The following GAB2 variants were observed in gnomAD, a reference collection of about 807,000 sequenced individuals.
GAB2 encodes the protein GRB2-associated-binding protein 2.
Under a neutral mutation model 65.5 loss-of-function variants are expected in GAB2, and 26 were observed. The observed-to-expected ratio is 0.40, with a 90% CI of 0.29 to 0.55. GAB2 has a LOEUF of 0.55. GAB2 is among the 20% of genes least tolerant of loss of function. The pLI is 0.53. For missense variants in GAB2, 884 were observed against 875.8 expected (o/e 1.01, Z -0.12); for synonymous variants, 321 against 329.6 (o/e 0.97, Z 0.28).
intron 1 of GAB2, among the ~76,000 whole-genome samples, chr11:78,350,189 G>A (rs1856254805): frequency 6.6e-6 from 1 of 152,194 alleles, no homozygotes; most frequent in Admixed American, 6.5e-5. Flanking sequence ...CTGGCCAACA[G>A]ATCAAGGAGA....
In GAB2 at chr11:78,252,732, G is replaced by A. The variant is rs140659470; in HGVS notation, c.377-2332C>T. ...TCATCTCTAGCTCAGTTCTCTCTCC[G>A]GGACTCCCTGCTATATATCCCTTCA... On this transcript the variant is annotated intron_variant, in intron 2 of 9. Transcript: ENST00000361507. Among the ~76,000 whole-genome samples the A allele has an allele frequency of 3.5e-3, 536 of 152,060 alleles. 9 individuals are homozygous for A. The highest frequency in any genetic ancestry group is 0.02 in the Middle Eastern group (6 of 294).
chr11:78,251,891 G>C (rs1473082407), intron 2 of GAB2, among the ~76,000 whole-genome samples: 1 of 152,166 alleles, frequency 6.6e-6, no homozygotes, highest in Non-Finnish European at 1.5e-5. Flanking sequence ...ATAAAGGCAA[G>C]GTACATAGCA....
intron 1 of GAB2, among the ~76,000 whole-genome samples, chr11:78,383,886 G>T (rs1182036177): frequency 6.6e-6 from 1 of 152,156 alleles, no homozygotes; most frequent in Non-Finnish European, 1.5e-5. Context: ...CCAAAATCTT[G>T]GAACTTTACT....
At chr11:78,295,528 T>C (rs747951876) in intron 1 of GAB2, among the ~76,000 whole-genome samples, 4 of 152,202 alleles carry the variant, frequency 2.6e-5, no homozygotes, top group Non-Finnish European at 5.9e-5. Context: ...AATCCAGTAA[T>C]GCCAGGTCCT....
chr11:78,363,386 G>A (rs1044345519), intron 1 of GAB2, among the ~76,000 whole-genome samples: 2 of 152,040 alleles, frequency 1.3e-5, no homozygotes, highest in East Asian at 1.9e-4. Context: ...ACACTGCCTG[G>A]TATATAGTAG....
intron 1 of GAB2, among the ~76,000 whole-genome samples, chr11:78,400,178 C>T (rs11237481): frequency 0.018 from 2,725 of 152,196 alleles, 93 homozygotes; most frequent in African/African-American, 0.064. Context: ...ATTTTACTGG[C>T]CCCACACCCC....
chr11:78,412,832 T>C (rs1857146291), intron 1 of GAB2, among the ~76,000 whole-genome samples: 1 of 152,172 alleles, frequency 6.6e-6, no homozygotes, highest in Non-Finnish European at 1.5e-5. Context: ...AGATCAATGG[T>C]CTAAGCATAG....
intron 1 of GAB2, among the ~76,000 whole-genome samples, chr11:78,402,594 T>G (rs904847896): frequency 7.7e-6 from 1 of 129,264 alleles, no homozygotes; most frequent in Non-Finnish European, 1.6e-5. Context: ...TAGCTGGGAT[T>G]ACAGGCACGT....
chr11:78,301,745 T>C (rs1867025148), intron 1 of GAB2, among the ~76,000 whole-genome samples: 1 of 152,166 alleles, frequency 6.6e-6, no homozygotes, highest in African/African-American at 2.4e-5. Flanking sequence ...AAAGCAAGGC[T>C]AAGCAAAGAA....
chr11:78,316,759 T>C (rs1032618032), intron 1 of GAB2, among the ~76,000 whole-genome samples: 11 of 152,190 alleles, frequency 7.2e-5, no homozygotes, highest in Admixed American at 7.2e-4. Flanking sequence ...AGAATTACCA[T>C]ATGATCCAGT....
intron 1 of GAB2, among the ~76,000 whole-genome samples, chr11:78,373,605 T>C (rs1856598942): frequency 6.6e-6 from 1 of 152,154 alleles, no homozygotes; most frequent in Non-Finnish European, 1.5e-5. Flanking sequence ...TTTCTAAACG[T>C]AGAGATAAAA....
chr11:78,230,981 G>A (rs1864828183), intron 3 of GAB2, among the ~76,000 whole-genome samples: 1 of 152,192 alleles, frequency 6.6e-6, no homozygotes, highest in African/African-American at 2.4e-5. Flanking sequence ...TTGGAGAGAG[G>A]CTTCTCTTCC....
chr11:78,260,719 G>A (rs879707556), intron 2 of GAB2, among the ~76,000 whole-genome samples: 2 of 152,086 alleles, frequency 1.3e-5, no homozygotes, highest in Non-Finnish European at 2.9e-5. Flanking sequence ...TGATCTGCCC[G>A]CCTTGGCCTC....
rs1855390444 is a variant in GAB2, at chr11:78,307,576, G to A, written c.76-26675C>T. Among the ~76,000 whole-genome samples the A allele has an allele frequency of 2.2e-5, 3 of 133,830 alleles. No individual in the cohort carries two copies. The Admixed American group carries it at 2.3e-4, about 10-fold the overall frequency. 87.8% of individuals were successfully genotyped at this position (133,830 alleles called of 152,430 possible). A position where few individuals can be genotyped will look rare whatever the true frequency, so the allele number is the denominator to read the frequency against. ...AGTTTGAGACCAGCATGGGAAAGAT[G>A]GTGAGATCCCATCTCTACAAAAAAT... On this transcript the variant is annotated intron_variant, in intron 1 of 9. Transcript: ENST00000361507.
At chr11:78,279,755 C>A (rs1385092410) in intron 2 of GAB2, among the ~76,000 whole-genome samples, 1 of 152,168 alleles carries the variant, frequency 6.6e-6, no homozygotes, top group South Asian at 2.1e-4. Context: ...TACTTCATAC[C>A]ATTTTATGGC....
At chr11:78,281,709 G>C (rs968068433) in intron 1 of GAB2, among the ~76,000 whole-genome samples, 1 of 152,218 alleles carries the variant, frequency 6.6e-6, no homozygotes, top group South Asian at 2.1e-4. Context: ...TATGTAAACA[G>C]GGTCTTATCA....
At chr11:78,294,473 T>A (rs1480161183) in intron 1 of GAB2, among the ~76,000 whole-genome samples, 1 of 152,178 alleles carries the variant, frequency 6.6e-6, no homozygotes, top group Non-Finnish European at 1.5e-5. Context: ...TAGTTCAAGA[T>A]CCCTGAGGAA....
chr11:78,348,202 G>C (rs1467926475), intron 1 of GAB2, among the ~76,000 whole-genome samples: 1 of 152,100 alleles, frequency 6.6e-6, no homozygotes, highest in East Asian at 1.9e-4. Context: ...AGGCAGGAGA[G>C]GCAAGCACAC....
At position 78,216,607 on chromosome 11, in the gene GAB2, G is replaced by GTAGT. The variant is rs1864159478; in HGVS notation, c.*2661_*2664dup. 1.3e-5 allele frequency: 2 copies of GTAGT among 152,200 alleles called. No individual in the cohort carries two copies. The highest frequency in any genetic ancestry group is 2.4e-5 in the African/African-American group (1 of 41,418). The allele number at this position is 152,200 out of a possible 1,614,324, so 9.4% of individuals were successfully genotyped here. A position where few individuals can be genotyped will look rare whatever the true frequency, so the allele number is the denominator to read the frequency against. On this transcript the variant is annotated 3_prime_UTR_variant, in exon 10 of 10. Coordinates refer to ENST00000361507, the MANE Select transcript of GAB2 (RefSeq NM_080491.3). Reference sequence around the variant, plus strand: ...TAGGGGGCTGGAAGGAAGCCTCCTGGTAGTTACCAGAATAGGGGGCTGGAA... The same window carrying GTAGT: ...TAGGGGGCTGGAAGGAAGCCTCCTGGTAGTTAGTTACCAGAATAGGGGGCTGGAA...
Sources: allele counts gnomAD v4.1 joint callset (sites outside exome capture counted in the v4.1 genomes callset), GRCh38; gene constraint gnomAD v4.1.1; transcripts MANE v1.5; gene names NCBI Gene and HGNC (gene_info 2026-07-23, HGNC 2026-07-21).